Variants in RARS2 observed in about 807,000 individuals in gnomAD.
RARS2 encodes the protein arginyl-tRNA synthetase 2, mitochondrial, also known as probable arginine--tRNA ligase, mitochondrial.
A neutral mutation model predicts 88.5 loss-of-function variants in RARS2; 67 were observed. The observed-to-expected ratio is 0.76, with a 90% CI of 0.62 to 0.93. The LOEUF (loss-of-function observed/expected upper bound fraction) is 0.93. Among genes scored for constraint, RARS2 ranks in the 40% least tolerant of loss-of-function variants. The pLI, the probability that RARS2 is intolerant of heterozygous loss-of-function variation, is 0.00. For synonymous variants in RARS2, 239 were observed against 230.3 expected (o/e 1.04, Z -0.34); for missense variants, 664 against 684.2 (o/e 0.97, Z 0.33).
intron 2 of RARS2, chr6:87,564,627 C>A: frequency 3.0e-6 from 1 of 335,400 alleles, no homozygotes. Context: ...CAAGATTGTG[C>A]CACTGCACTC....
intron 1 of RARS2, among the ~76,000 whole-genome samples, chr6:87,574,979 C>T (rs1294245563): frequency 6.6e-6 from 1 of 151,682 alleles, no homozygotes; most frequent in Non-Finnish European, 1.5e-5. Flanking sequence ...AAATTGGTGT[C>T]CTTAAAATAC....
intron 3 of RARS2, among the ~76,000 whole-genome samples, chr6:87,563,220 T>C (rs778804369): frequency 7.2e-5 from 11 of 152,234 alleles, no homozygotes; most frequent in Non-Finnish European, 1.5e-4. Context: ...CTGTCTTCTA[T>C]GCATATGCCT....
rs761557474 is a variant in RARS2, at chr6:87,589,943, A to AC, written c.14_15insG (p.Phe5LeufsTer37). The AC allele has an allele frequency of 6.2e-7, 1 of 1,614,164 alleles. No individual in the cohort carries two copies. Among genetic ancestry groups the AC allele is most frequent in the South Asian group, 1.1e-5 (1 of 91,092 alleles). On this transcript the variant is annotated frameshift_variant, in exon 1 of 20. Coordinates refer to ENST00000369536, the MANE Select transcript of RARS2 (RefSeq NM_020320.5). LOFTEE classifies it high-confidence loss of function. ...ATACCTGGCAAGCAATAGCGCGGCG[A>AC]AAGCCGCACGCCATGTCCACCTCTA...
chr6:87,523,145 G>A (rs958779886), intron 11 of RARS2, among the ~76,000 whole-genome samples: 12 of 151,818 alleles, frequency 7.9e-5, no homozygotes, highest in African/African-American at 2.4e-4. Context: ...TTTAAGATAA[G>A]GACAAAACAA....
At chr6:87,540,350 G>A (rs192654369) in intron 8 of RARS2, among the ~76,000 whole-genome samples, 294 of 151,004 alleles carry the variant, frequency 1.9e-3, no homozygotes, top group African/African-American at 6.9e-3. Context: ...CTACTCGTGA[G>A]GCTGAGGCAG....
chr6:87,581,088 C>T (rs1446925963), intron 1 of RARS2, among the ~76,000 whole-genome samples: 4 of 152,136 alleles, frequency 2.6e-5, no homozygotes, highest in Non-Finnish European at 5.9e-5. Context: ...ATTCTTACCG[C>T]TAGTACTCAG....
At chr6:87,560,243 T>A (rs1787418398) in intron 4 of RARS2, among the ~76,000 whole-genome samples, 1 of 152,240 alleles carries the variant, frequency 6.6e-6, no homozygotes, top group South Asian at 2.1e-4. Flanking sequence ...AATTTAACTT[T>A]TTCTTTTACT....
intron 10 of RARS2, among the ~76,000 whole-genome samples, chr6:87,525,759 C>T (rs1167035628): frequency 6.6e-6 from 1 of 152,096 alleles, no homozygotes. Context: ...GTTGGCCAGG[C>T]TGGTCTCGAA....
At chr6:87,579,557 G>A (rs960421075) in intron 1 of RARS2, among the ~76,000 whole-genome samples, 8 of 151,910 alleles carry the variant, frequency 5.3e-5, no homozygotes, top group African/African-American at 1.9e-4. Context: ...AAGAACCACG[G>A]CTTAGGGAGA....
At chr6:87,585,589 G>A (rs528256572) in intron 1 of RARS2, among the ~76,000 whole-genome samples, 15 of 152,140 alleles carry the variant, frequency 9.9e-5, no homozygotes, top group South Asian at 2.1e-4. Flanking sequence ...AAATTTAGCC[G>A]GGTGTGGTGG....
At chr6:87,563,173 G>C in intron 3 of RARS2, among the ~76,000 whole-genome samples, 1 of 152,152 alleles carries the variant, frequency 6.6e-6, no homozygotes, top group Non-Finnish European at 1.5e-5. Context: ...CTACGCTAAA[G>C]CACCTGCACC....
At chr6:87,524,513 A>C (rs1451348727) in intron 11 of RARS2, 44 bp downstream of exon 11, 1 of 1,417,800 alleles carries the variant, frequency 7.1e-7, no homozygotes. Context: ...ATCTGAAAGC[A>C]ACAGATTTAG....
chr6:87,589,929 G>C lies in RARS2; in HGVS notation c.29C>G (p.Ala10Gly). The change falls in exon 1 of 20, where the codon GCT becomes GGT. Residue 10 changes from alanine (A) to glycine (G), a missense_variant. Coordinates refer to ENST00000369536, the MANE Select transcript of RARS2 (RefSeq NM_020320.5). MACGFRRAIACQLSRVLNLP... is the reference protein window; with the variant it reads MACGFRRAIGCQLSRVLNLP... Reference sequence around the variant, plus strand: ...GCGCTCCGGGATCCATACCTGGCAAGCAATAGCGCGGCGAAAGCCGCACGC... The same window carrying C: ...GCGCTCCGGGATCCATACCTGGCAACCAATAGCGCGGCGAAAGCCGCACGC... 1 of 1,614,030 alleles carries C rather than the reference G, an allele frequency of 6.2e-7. No individual in the cohort carries two copies. Among genetic ancestry groups the C allele is most frequent in the Non-Finnish European group, 8.5e-7 (1 of 1,180,016 alleles).
chr6:87,515,013 C>T lies in RARS2; in HGVS notation c.1594G>A (p.Ala532Thr). ...VSYLLTLSHL[A>T]AVAHKTLQIK... is the part of the protein sequence containing the mutation. ...TGTAGTGTTTTGTGTGCCACAGCTG[C>T]AAGATGACTGAAACAGGAAGAGAGA... Residue 532 changes from alanine (A) to threonine (T), a missense_variant, in exon 19 of 20, where the codon GCA becomes ACA. Ala to Thr is a moderately conservative substitution (Grantham distance 58). Transcript: ENST00000369536. The T allele has an allele frequency of 6.2e-7, 1 of 1,612,562 alleles. No homozygotes were observed. Among genetic ancestry groups the T allele is most frequent in the Non-Finnish European group, 8.5e-7 (1 of 1,178,648 alleles).
At chr6:87,514,635 G>T in intron 19 of RARS2, 136 bp from the exon 20 acceptor site, 1 of 796,678 alleles carries the variant, frequency 1.3e-6, no homozygotes, top group Non-Finnish European at 2.1e-6. Context: ...GTTACTATAG[G>T]CAAGAGAAGA....
intron 9 of RARS2, 36 bp downstream of exon 9, chr6:87,530,748 C>A: frequency 1.2e-6 from 2 of 1,610,270 alleles, no homozygotes; most frequent in Non-Finnish European, 1.7e-6. Flanking sequence ...AGCTGCACTG[C>A]ATCATGGGAA....
Position 87,555,510 on chromosome 6 carries a change from A to G in RARS2, c.298-5T>C. The G allele has an allele frequency of 6.3e-6, 10 of 1,598,992 alleles. No individual in the cohort carries two copies. The highest frequency in any genetic ancestry group is 8.6e-6 in the Non-Finnish European group (10 of 1,166,442). ...AATTACTTGTTGTAGCACTGTCTGA[A>G]AATTAAAGGACTGTAATTTAATGAA... On this transcript the variant is annotated splice_region_variant and splice_polypyrimidine_tract_variant and intron_variant, in intron 4 of 19. Coordinates refer to ENST00000369536, the MANE Select transcript of RARS2 (RefSeq NM_020320.5).
chr6:87,525,599 G>A (rs1241500106), intron 10 of RARS2, among the ~76,000 whole-genome samples: 1 of 149,418 alleles, frequency 6.7e-6, no homozygotes, highest in Non-Finnish European at 1.5e-5. Flanking sequence ...AGGCTGGAGT[G>A]GTGCAGTGGC....
chr6:87,546,691 A>C (rs1782714044), intron 6 of RARS2, among the ~76,000 whole-genome samples: 1 of 152,206 alleles, frequency 6.6e-6, no homozygotes. Context: ...GCAGCCCTCC[A>C]ACAACTTTGT....
Sources: allele counts gnomAD v4.1 joint callset (sites outside exome capture counted in the v4.1 genomes callset), GRCh38; gene constraint gnomAD v4.1.1; transcripts MANE v1.5; gene names NCBI Gene and HGNC (gene_info 2026-07-23, HGNC 2026-07-21).